Variants in KDM4D observed in about 807,000 individuals in gnomAD.
KDM4D encodes lysine demethylase 4D.
For synonymous variants in KDM4D, 254 were observed against 249.1 expected, an observed-to-expected ratio of 1.02 and a Z score of -0.19; for missense variants, 427 against 674.8, an observed-to-expected ratio of 0.63 and a Z score of 4.07.
intron 2 of KDM4D, among the ~76,000 whole-genome samples, chr11:94,977,898 G>A (rs1322417083): frequency 2.6e-5 from 4 of 152,048 alleles, no homozygotes; most frequent in African/African-American, 4.8e-5. Flanking sequence ...ATGAATGGAC[G>A]AATGAAAGAA....
chr11:94,988,065 T>C (rs910308765), intron 2 of KDM4D, among the ~76,000 whole-genome samples: 4 of 152,206 alleles, frequency 2.6e-5, no homozygotes, highest in Non-Finnish European at 4.4e-5. Flanking sequence ...AGTTTCTATA[T>C]TGAAAATTCT....
At chr11:94,989,768 T>TTC (rs66592188) in intron 2 of KDM4D, among the ~76,000 whole-genome samples, 1 of 149,990 alleles carries the variant, frequency 6.7e-6, no homozygotes, top group African/African-American at 2.5e-5. Context: ...TTTTTTTTTT[T>TTC]TTGACAGAGT....
chr11:94,992,026 A>G (rs1275558388), intron 2 of KDM4D, among the ~76,000 whole-genome samples: 1 of 152,056 alleles, frequency 6.6e-6, no homozygotes, highest in Non-Finnish European at 1.5e-5. Flanking sequence ...TTCAAAAGTT[A>G]ATAACCCCCC....
chr11:94,974,485 CA>C (rs1287770172), intron 1 of KDM4D, among the ~76,000 whole-genome samples: 2 of 152,144 alleles, frequency 1.3e-5, no homozygotes, highest in Non-Finnish European at 2.9e-5. Flanking sequence ...AAGGAACTCA[CA>C]AAATTGAATA....
At chr11:94,987,395 C>G (rs1228734517) in intron 2 of KDM4D, among the ~76,000 whole-genome samples, 2 of 152,156 alleles carry the variant, frequency 1.3e-5, no homozygotes, top group South Asian at 2.1e-4. Flanking sequence ...GGTTGGAATG[C>G]AGGTTTTTGT....
intron 2 of KDM4D, among the ~76,000 whole-genome samples, chr11:94,978,240 G>A (rs782629723): frequency 2.6e-5 from 4 of 151,882 alleles, no homozygotes; most frequent in African/African-American, 7.2e-5. Context: ...CAAGTTATTG[G>A]CCCACAAAAT....
chr11:94,983,996 C>A lies in KDM4D; in HGVS notation c.-350+8248C>A, dbSNP rs146311681. On this transcript the variant is annotated intron_variant, in intron 2 of 2. Coordinates refer to ENST00000335080, the MANE Select transcript of KDM4D (RefSeq NM_018039.3). The stretch of plus-strand genomic sequence containing the variant: ...TGTCACATATAAGAAAGAGAACACA[C>A]ACAGCACTGAAAGTAATAGGAAACA... Among the ~76,000 whole-genome samples the A allele has an allele frequency of 1.4e-3, 218 of 152,108 alleles. 3 individuals are homozygous for A. The highest frequency in any genetic ancestry group is 5.0e-3 in the African/African-American group (206 of 41,490).
chr11:94,988,294 C>T (rs1301516630), intron 2 of KDM4D, among the ~76,000 whole-genome samples: 1 of 152,216 alleles, frequency 6.6e-6, no homozygotes, highest in Admixed American at 6.5e-5. Flanking sequence ...CATTTTCAGA[C>T]TCAGACATGC....
chr11:94,980,185 T>C (rs1857832329), intron 2 of KDM4D, among the ~76,000 whole-genome samples: 1 of 152,180 alleles, frequency 6.6e-6, no homozygotes, highest in African/African-American at 2.4e-5. Flanking sequence ...CCTTTTTGCT[T>C]AATGCATGGT....
At chr11:94,993,126 AAC>A (rs146029142) in intron 2 of KDM4D, among the ~76,000 whole-genome samples, 6 of 151,966 alleles carry the variant, frequency 3.9e-5, no homozygotes, top group African/African-American at 7.2e-5. Context: ...AACACCCCCC[AAC>A]ACACACACAC....
In KDM4D at chr11:94,998,607, G is replaced by A. The variant is rs1565420738; in HGVS notation, c.1235G>A (p.Ser412Asn). ...TCACTCCCACGCCGATCTGCAGTTA[G>A]TGGCACTGCTACGCAGCCCCGGGCT... ...CSSLPRRSAV[S>N]GTATQPRAAA... is the part of the protein sequence containing the mutation. Residue 412 changes from serine to asparagine, a missense_variant, in exon 3 of 3, where the codon AGT (serine) becomes AAT (asparagine). Physicochemically the swap from Ser to Asn is conservative, Grantham distance 46. Coordinates refer to ENST00000335080, the MANE Select transcript of KDM4D (RefSeq NM_018039.3). This position sits in a 1 kb window ranked among gnomAD's most constrained non-coding sequence, Gnocchi z 6.7. 1.2e-6 allele frequency: 2 copies of A among 1,614,102 alleles called. No individual in the cohort carries two copies. Among genetic ancestry groups the A allele is most frequent in the East Asian group, 4.5e-5 (2 of 44,876 alleles).
At chr11:94,978,123 T>TATGTA (rs1422150757) in intron 2 of KDM4D, among the ~76,000 whole-genome samples, 1 of 152,144 alleles carries the variant, frequency 6.6e-6, no homozygotes, top group Non-Finnish European at 1.5e-5. Context: ...ATATGTACCA[T>TATGTA]CAAAATCCTA....
rs933635655 is a variant in KDM4D at position 94,977,058 on chromosome 11, A to G, written c.-350+1310A>G. Reference sequence around the variant, plus strand: ...TACTGCTACTGCTAGTGATACACATAATATAAAAATCACAAATTACCCAAT... The same window carrying G: ...TACTGCTACTGCTAGTGATACACATGATATAAAAATCACAAATTACCCAAT... On this transcript the variant is annotated intron_variant, in intron 2 of 2. Transcript: ENST00000335080. Among the ~76,000 whole-genome samples, 6 of 93,290 alleles carry G rather than the reference A, an allele frequency of 6.4e-5. No individual in the cohort carries two copies. The South Asian group carries it at 1.4e-3, about 23-fold the overall frequency. The allele number at this position is 93,290 out of a possible 152,430, so 61.2% of individuals were successfully genotyped here. A position where few individuals can be genotyped will look rare whatever the true frequency, so the allele number is the denominator to read the frequency against.
chr11:94,989,748 C>CTT (rs1491463518), intron 2 of KDM4D, among the ~76,000 whole-genome samples: 2 of 74,590 alleles, frequency 2.7e-5, no homozygotes, highest in Admixed American at 1.5e-4. Flanking sequence ...CTCTCTCTCT[C>CTT]TTTCTTTTTT....
intron 2 of KDM4D, among the ~76,000 whole-genome samples, chr11:94,982,736 A>G (rs1555097719): frequency 1.3e-5 from 2 of 151,938 alleles, no homozygotes; most frequent in Non-Finnish European, 2.9e-5. Context: ...ACTTAATAGA[A>G]AAAAATTTCC....
In KDM4D at chr11:94,997,740, G is replaced by A. The variant is rs781783527; in HGVS notation, c.368G>A (p.Arg123Gln). Residue 123 changes from arginine to glutamine, a missense_variant, in exon 3 of 3, where the codon CGA (arginine) becomes CAA (glutamine). Transcript: ENST00000335080. ...CACCAGAATTTCGAAGATTTGGAGC[G>A]AAAATACTGGAAGAACCGCATCTAT... ...PPHQNFEDLE[R>Q]KYWKNRIYNS... The A allele has an allele frequency of 3.1e-6, 5 of 1,614,114 alleles. No individual in the cohort carries two copies. The highest frequency in any genetic ancestry group is 4.5e-5 in the East Asian group (2 of 44,904).
At chr11:94,992,680 C>A (rs990818700) in intron 2 of KDM4D, among the ~76,000 whole-genome samples, 4 of 151,978 alleles carry the variant, frequency 2.6e-5, no homozygotes, top group Non-Finnish European at 2.9e-5. Flanking sequence ...TAAGAAATTT[C>A]ATTCATTCAA....
intron 2 of KDM4D, among the ~76,000 whole-genome samples, chr11:94,993,087 T>C (rs1271830988): frequency 6.6e-6 from 1 of 152,100 alleles, no homozygotes; most frequent in Admixed American, 6.6e-5. Context: ...TTAAACTTAC[T>C]CAGCTTCACT....
chr11:94,992,281 T>C (rs1555098774), intron 2 of KDM4D, among the ~76,000 whole-genome samples: 2 of 151,986 alleles, frequency 1.3e-5, no homozygotes, highest in African/African-American at 4.8e-5. Context: ...AAAAAAACTA[T>C]TAACATATCT....
Sources: allele counts gnomAD v4.1 joint callset (sites outside exome capture counted in the v4.1 genomes callset), GRCh38; gene constraint gnomAD v4.1.1; non-coding constraint Gnocchi (gnomAD v3.1); transcripts MANE v1.5; gene names NCBI Gene and HGNC (gene_info 2026-07-23, HGNC 2026-07-21).